The following FGD4 variants were observed in gnomAD, a reference collection of about 807,000 sequenced individuals.
FGD4 encodes the protein FYVE, RhoGEF and PH domain containing 4.
Under a neutral mutation model 102.0 loss-of-function variants are expected in FGD4, and 42 were observed. That is an observed-to-expected ratio of 0.41 (90% CI 0.32 to 0.53). FGD4 has a LOEUF of 0.53. FGD4 is among the 20% of genes least tolerant of loss of function. FGD4 has a pLI of 0.21. For synonymous variants in FGD4, 380 were observed against 375.7 expected (o/e 1.01, Z -0.13); for missense variants, 902 against 1,078.2 (o/e 0.84, Z 2.29).
intron 1 of FGD4, among the ~76,000 whole-genome samples, chr12:32,406,328 C>T (rs1591838980): frequency 6.6e-6 from 1 of 151,592 alleles, no homozygotes; most frequent in Non-Finnish European, 1.5e-5. Flanking sequence ...CAGAAGCAGG[C>T]GGATCACTTG....
chr12:32,483,701 G>A (rs914400547), intron 1 of FGD4, among the ~76,000 whole-genome samples: 20 of 152,206 alleles, frequency 1.3e-4, no homozygotes, highest in Middle Eastern at 3.4e-3. Context: ...CAAAAATGCT[G>A]ACATCCTCAT....
intron 2 of FGD4, among the ~76,000 whole-genome samples, chr12:32,568,864 A>T (rs963723859): frequency 1.3e-5 from 2 of 152,198 alleles, no homozygotes; most frequent in Non-Finnish European, 2.9e-5. Context: ...CTAGATAATT[A>T]CTTTGAATGA....
At chr12:32,595,114 G>A (rs1367705660) in intron 4 of FGD4, among the ~76,000 whole-genome samples, 2 of 151,616 alleles carry the variant, frequency 1.3e-5, no homozygotes, top group Non-Finnish European at 2.9e-5. Context: ...TGAATATGAA[G>A]GACAGCATAT....
chr12:32,414,551 C>G (rs969294568), intron 1 of FGD4, among the ~76,000 whole-genome samples: 2 of 151,798 alleles, frequency 1.3e-5, no homozygotes, highest in Non-Finnish European at 2.9e-5. Context: ...TTTTTGTACT[C>G]ATTAATCATC....
At chr12:32,574,393 C>T (rs1236020390) in intron 2 of FGD4, among the ~76,000 whole-genome samples, 1 of 145,804 alleles carries the variant, frequency 6.9e-6, no homozygotes, top group Non-Finnish European at 1.5e-5. Flanking sequence ...ATATTTACTA[C>T]TCATAATGTT....
At chr12:32,495,554 G>A (rs1937749668) in intron 1 of FGD4, among the ~76,000 whole-genome samples, 1 of 152,002 alleles carries the variant, frequency 6.6e-6, no homozygotes, top group African/African-American at 2.4e-5. Context: ...AAATTAGCCA[G>A]GCGTGGTGGC....
intron 1 of FGD4, among the ~76,000 whole-genome samples, chr12:32,438,617 T>TTG (rs1942317108): frequency 1.4e-5 from 2 of 141,990 alleles, no homozygotes; most frequent in South Asian, 4.4e-4. Context: ...TTTGTGTGTG[T>TTG]TTTTTTTTTT....
At chr12:32,559,490 T>G (rs1565839574) in intron 1 of FGD4, among the ~76,000 whole-genome samples, 1 of 152,240 alleles carries the variant, frequency 6.6e-6, no homozygotes, top group Non-Finnish European at 1.5e-5. Flanking sequence ...TTCACCATGT[T>G]TTCATGCTTT....
At chr12:32,520,454 G>GT (rs1940415711) in intron 1 of FGD4, among the ~76,000 whole-genome samples, 1 of 94,488 alleles carries the variant, frequency 1.1e-5, no homozygotes. Flanking sequence ...TTTTTTTTTA[G>GT]AGATGGAGTC....
rs5797477 is a variant in FGD4 at position 32,434,949 on chromosome 12, C to CT, written c.166+35000dup. Among the ~76,000 whole-genome samples, 180 of 149,456 alleles carry CT rather than the reference C, an allele frequency of 1.2e-3. 1 individual carries two copies. Among genetic ancestry groups the CT allele is most frequent in the African/African-American group, 4.1e-3 (166 of 40,658 alleles). Reference sequence around the variant, plus strand: ...TTCATTTCTTTTCTTTCCTTCTTTTCTTTTTTTTTTCTTTTCTTTTCTTTC... The same window carrying CT: ...TTCATTTCTTTTCTTTCCTTCTTTTCTTTTTTTTTTTCTTTTCTTTTCTTTC... On this transcript the variant is annotated intron_variant, in intron 1 of 16. Transcript: ENST00000534526.
chr12:32,572,450 A>G (rs139103142), intron 2 of FGD4, among the ~76,000 whole-genome samples: 400 of 152,344 alleles, frequency 2.6e-3, no homozygotes, highest in African/African-American at 8.9e-3. Context: ...ATGTCACACT[A>G]TTGATCTCTA....
chr12:32,484,325 C>A (rs899783259), intron 1 of FGD4, among the ~76,000 whole-genome samples: 1 of 151,882 alleles, frequency 6.6e-6, no homozygotes, highest in Admixed American at 6.6e-5. Flanking sequence ...ATCAAAATGT[C>A]CTCACCTACT....
chr12:32,451,699 G>C (rs1296393233), intron 1 of FGD4, among the ~76,000 whole-genome samples: 1 of 151,782 alleles, frequency 6.6e-6, no homozygotes, highest in Admixed American at 6.6e-5. Flanking sequence ...CCGAGGTCAG[G>C]AGTTCAAGAC....
At chr12:32,543,916 C>T (rs1049195789) in intron 1 of FGD4, among the ~76,000 whole-genome samples, 71 of 152,186 alleles carry the variant, frequency 4.7e-4, no homozygotes, top group Admixed American at 4.3e-3. Context: ...TGTGAGCCAC[C>T]GCACCCAGCC....
At chr12:32,595,296 A>C (rs1947807501) in intron 4 of FGD4, among the ~76,000 whole-genome samples, 1 of 152,174 alleles carries the variant, frequency 6.6e-6, no homozygotes, top group Admixed American at 6.5e-5. Context: ...TTTAAATTTC[A>C]TGGAGTATCC....
chr12:32,411,602 A>G (rs1200454613), intron 1 of FGD4, among the ~76,000 whole-genome samples: 1 of 152,094 alleles, frequency 6.6e-6, no homozygotes. Flanking sequence ...CATATAAATT[A>G]TAAGATACCC....
chr12:32,452,750 C>T (rs545211701), intron 1 of FGD4, among the ~76,000 whole-genome samples: 11 of 152,048 alleles, frequency 7.2e-5, no homozygotes, highest in Non-Finnish European at 1.5e-4. Context: ...TTTGGGAGGC[C>T]GAAGCAGGAA....
At chr12:32,499,756 C>A (rs545730654) in intron 1 of FGD4, among the ~76,000 whole-genome samples, 78 of 152,320 alleles carry the variant, frequency 5.1e-4, no homozygotes, top group Non-Finnish European at 1.0e-3. Flanking sequence ...TGGCTCATGC[C>A]TGTAATCCCA....
chr12:32,530,343 C>T (rs1321723226), intron 1 of FGD4, among the ~76,000 whole-genome samples: 1 of 151,958 alleles, frequency 6.6e-6, no homozygotes, highest in Non-Finnish European at 1.5e-5. Context: ...ATTAGCCAGG[C>T]CTGGTGGCAC....
Sources: gnomAD v4.1 joint callset for allele counts (sites outside exome capture counted in the v4.1 genomes callset) on GRCh38, gnomAD v4.1.1 for gene constraint, MANE v1.5 for transcripts, NCBI Gene and HGNC (gene_info 2026-07-23, HGNC 2026-07-21) for gene names.